Variants in THOC7 observed in about 807,000 individuals in gnomAD.
THOC7 encodes NIF3L1-binding protein 1.
A neutral mutation model predicts 33.1 loss-of-function variants in THOC7; 22 were observed. The observed-to-expected ratio is 0.66, with a 90% CI of 0.47 to 0.95. The LOEUF is 0.95. Ranked by LOEUF, THOC7 falls within the 40% of genes least tolerant of loss-of-function variation. THOC7 has a pLI of 0.00. For synonymous variants in THOC7, 77 were observed against 76.8 expected (o/e 1.00, Z -0.01); for missense variants, 184 against 245.3 (o/e 0.75, Z 1.67).
intron 1 of THOC7, among the ~76,000 whole-genome samples, chr3:63,840,877 A>G (rs1211862068): frequency 6.6e-6 from 1 of 152,254 alleles, no homozygotes; most frequent in Admixed American, 6.5e-5. Flanking sequence ...CCACTGAACA[A>G]TAACAAATAA....
At chr3:63,848,667 AT>A (rs1701955898) in intron 1 of THOC7, 1 of 152,214 alleles carries the variant, frequency 6.6e-6, no homozygotes, top group East Asian at 1.9e-4. Context: ...TGGTTGACAA[AT>A]TTGATGGGTT....
At chr3:63,839,221 G>T (rs888239062) in intron 2 of THOC7, among the ~76,000 whole-genome samples, 3 of 152,100 alleles carry the variant, frequency 2.0e-5, no homozygotes, top group Admixed American at 2.0e-4. Context: ...ACGTGTGTGC[G>T]TGTGTATCAG....
At chr3:63,857,262 CT>C (rs1028299874) in intron 1 of THOC7, among the ~76,000 whole-genome samples, 3 of 152,092 alleles carry the variant, frequency 2.0e-5, no homozygotes, top group African/African-American at 4.8e-5. Flanking sequence ...ACATGTAGTA[CT>C]TTTTTTATGA....
At chr3:63,847,292 T>C (rs980689082) in intron 1 of THOC7, among the ~76,000 whole-genome samples, 4 of 152,228 alleles carry the variant, frequency 2.6e-5, no homozygotes, top group Non-Finnish European at 5.9e-5. Context: ...AATTTCATCA[T>C]TATTTTAATG....
intron 1 of THOC7, chr3:63,848,384 C>T (rs537013722): frequency 6.6e-6 from 1 of 152,278 alleles, no homozygotes; most frequent in South Asian, 2.1e-4. Context: ...AATAACTTAA[C>T]CAATTACCAA....
At chr3:63,860,236 T>C (rs938911351) in intron 1 of THOC7, among the ~76,000 whole-genome samples, 3 of 151,392 alleles carry the variant, frequency 2.0e-5, no homozygotes, top group African/African-American at 4.9e-5. Context: ...GTATAGATCA[T>C]GTCTTGCTGT....
chr3:63,862,089 CATGTGTGTGT>C (rs1324708329), intron 1 of THOC7, among the ~76,000 whole-genome samples: 128 of 152,194 alleles, frequency 8.4e-4, no homozygotes, highest in African/African-American at 3.0e-3. Context: ...CTGTGCCCGG[CATGTGTGTGT>C]GTTTTAATGC....
chr3:63,852,304 C>T (rs1465939572), intron 1 of THOC7, among the ~76,000 whole-genome samples: 1 of 151,942 alleles, frequency 6.6e-6, no homozygotes, highest in Non-Finnish European at 1.5e-5. Flanking sequence ...GTATAGATAC[C>T]CTGGAAGGAT....
intron 1 of THOC7, among the ~76,000 whole-genome samples, chr3:63,857,195 G>A (rs1168537469): frequency 6.6e-6 from 1 of 152,146 alleles, no homozygotes; most frequent in Non-Finnish European, 1.5e-5. Flanking sequence ...TATTACGGAA[G>A]GTAAAGAGGG....
intron 1 of THOC7, among the ~76,000 whole-genome samples, chr3:63,853,738 C>G (rs987155176): frequency 2.0e-5 from 3 of 152,122 alleles, no homozygotes; most frequent in African/African-American, 7.2e-5. Flanking sequence ...GAAACCCTGT[C>G]TGTACTGAAA....
At chr3:63,846,409 A>G (rs1236498493) in intron 1 of THOC7, among the ~76,000 whole-genome samples, 9 of 152,072 alleles carry the variant, frequency 5.9e-5, no homozygotes, top group African/African-American at 2.2e-4. Flanking sequence ...TATTATTTAA[A>G]AATTTTTATT....
At chr3:63,863,914 G>A (rs1286790806), upstream of THOC7, 9 of 988,596 alleles carry the variant, frequency 9.1e-6, no homozygotes, top group African/African-American at 1.8e-5. Flanking sequence ...GGCGGCGCCC[G>A]CGGCCGCCTG....
upstream of THOC7, chr3:63,863,949 CCG>C (rs572966832): frequency 0.31 from 50,255 of 162,884 alleles, 7,434 homozygotes; most frequent in East Asian, 0.47. Flanking sequence ...CCGCGCCGCG[CCG>C]CGCCGCCGCC....
chr3:63,857,729 A>C (rs1410250608), intron 1 of THOC7, among the ~76,000 whole-genome samples: 1 of 152,268 alleles, frequency 6.6e-6, no homozygotes. Flanking sequence ...ACTGGTCTAC[A>C]TAAATTGCTG....
chr3:63,852,851 A>G, intron 1 of THOC7, among the ~76,000 whole-genome samples: 1 of 152,132 alleles, frequency 6.6e-6, no homozygotes, highest in Non-Finnish European at 1.5e-5. Flanking sequence ...AAAAGGAGAG[A>G]TTAGAATCAC....
At chr3:63,864,261 C>G (rs1382233640), upstream of THOC7, among the ~76,000 whole-genome samples, 1 of 151,312 alleles carries the variant, frequency 6.6e-6, no homozygotes, top group Non-Finnish European at 1.5e-5. Flanking sequence ...TGACTGCGGC[C>G]CCGCCGCCCC....
At chr3:63,856,352 T>C (rs1471007151) in intron 1 of THOC7, among the ~76,000 whole-genome samples, 4 of 152,044 alleles carry the variant, frequency 2.6e-5, no homozygotes, top group Admixed American at 1.3e-4. Flanking sequence ...AGGATGATTA[T>C]AGTCAACAAT....
intron 4 of THOC7, among the ~76,000 whole-genome samples, chr3:63,836,702 G>GTAAAA (rs1701641495): frequency 1.3e-5 from 2 of 151,846 alleles, no homozygotes; most frequent in Admixed American, 1.3e-4. Flanking sequence ...TGTCCAAAAA[G>GTAAAA]TAAAATAAAA....
chr3:63,856,519 C>G (rs1007089891), intron 1 of THOC7, among the ~76,000 whole-genome samples: 2 of 151,992 alleles, frequency 1.3e-5, no homozygotes, highest in African/African-American at 4.8e-5. Context: ...CATAAATATA[C>G]GCACCTACTA....
Sources: allele counts gnomAD v4.1 joint callset (sites outside exome capture counted in the v4.1 genomes callset), GRCh38; gene constraint gnomAD v4.1.1; transcripts MANE v1.5; gene names NCBI Gene and HGNC (gene_info 2026-07-23, HGNC 2026-07-21).